LINS1: variants seen among roughly 807,000 people sequenced by gnomAD.
LINS1 encodes the protein protein Lines homolog 1.
LINS1 carries 27 observed loss-of-function variants against 41.6 expected under a neutral mutation model. The ratio of observed to expected loss-of-function variants is 0.65; its 90% CI spans 0.48 to 0.89. The LOEUF (loss-of-function observed/expected upper bound fraction) is 0.89, where lower values mean the gene tolerates loss of function less well. Among genes scored for constraint, LINS1 ranks in the 40% least tolerant of loss-of-function variants. The pLI, the probability that LINS1 is intolerant of heterozygous loss-of-function variation, is 0.00. For missense variants in LINS1, 955 were observed against 884.1 expected (o/e 1.08, Z -1.02); for synonymous variants, 336 against 312.9 (o/e 1.07, Z -0.78).
intron 3 of LINS1, among the ~76,000 whole-genome samples, chr15:100,577,542 G>C (rs1334354739): frequency 1.3e-5 from 2 of 152,156 alleles, no homozygotes; most frequent in East Asian, 1.9e-4. Context: ...ACAAATGGAA[G>C]AACATTCCAT....
chr15:100,600,569 A>AAAAAAAAAAAAAAAG (rs2039443214), intron 1 of LINS1, among the ~76,000 whole-genome samples: 1 of 150,848 alleles, frequency 6.6e-6, no homozygotes, highest in Non-Finnish European at 1.5e-5. Flanking sequence ...AAAAAAAAAA[A>AAAAAAAAAAAAAAAG]AACAGGGAGA....
At chr15:100,587,295 T>C (rs1464321855) in intron 1 of LINS1, among the ~76,000 whole-genome samples, 1 of 151,966 alleles carries the variant, frequency 6.6e-6, no homozygotes, top group Non-Finnish European at 1.5e-5. Context: ...CTGTTTTGCA[T>C]GGATAGTGCC....
At position 100,573,823 on chromosome 15, in the gene LINS1, C is replaced by T; in HGVS notation, c.1050G>A (p.Leu350=). The change falls in exon 5 of 7, where the codon TTG becomes TTA. Residue 350 remains leucine (L), a synonymous_variant. Transcript: ENST00000314742. ...AVLQAVNSGL[L]KTLSVYEKHS... Reference sequence around the variant, plus strand: ...GTTTTTCATAAACAGACAGTGTCTTCAACAACCCCGAATTCACAGCTTGCA... The same window carrying T: ...GTTTTTCATAAACAGACAGTGTCTTTAACAACCCCGAATTCACAGCTTGCA... 6.2e-7 allele frequency: 1 copy of T among 1,614,208 alleles called. No homozygotes were observed. Among genetic ancestry groups the T allele is most frequent in the East Asian group, 2.2e-5 (1 of 44,894 alleles).
In LINS1 at chr15:100,580,446, A is replaced by G. The variant is rs751230546; in HGVS notation, c.397T>C (p.Leu133=). The G allele has an allele frequency of 3.5e-5, 57 of 1,613,534 alleles. No homozygotes were observed. The South Asian group carries it at 5.8e-4, about 16-fold the overall frequency. ...CTTTAGAAAAACAAATGGCTTACTAATTTAGAATCGACTTTGGCTGATTCT... is the reference window on the plus strand; with the variant it reads ...CTTTAGAAAAACAAATGGCTTACTAGTTTAGAATCGACTTTGGCTGATTCT... ...LLESAKVDSK[L]ICMFQNSDKL... Residue 133 remains leucine (L), a splice_region_variant and synonymous_variant, in exon 2 of 7, where the codon TTA becomes CTA. Transcript: ENST00000314742.
Position 100,575,640 on chromosome 15 carries a change from C to G in LINS1, c.490-512G>C, listed in dbSNP as rs201116296. Among the ~76,000 whole-genome samples the G allele has an allele frequency of 1.3e-4, 20 of 152,246 alleles. No homozygotes were observed. The East Asian group carries it at 1.9e-3, about 15-fold the overall frequency. On this transcript the variant is annotated intron_variant, in intron 3 of 6. Coordinates refer to ENST00000314742, the MANE Select transcript of LINS1 (RefSeq NM_001040616.3). The stretch of plus-strand genomic sequence containing the variant: ...CGAGACAGAAAGTTAACAAGGATAT[C>G]CAGGAATTGAATTCAGCTCTGCACC...
At chr15:100,582,884 C>T (rs1161450937) in intron 1 of LINS1, among the ~76,000 whole-genome samples, 153 of 91,814 alleles carry the variant, frequency 1.7e-3, no homozygotes, top group Middle Eastern at 0.012. Flanking sequence ...ATCTACACTA[C>T]GGCCCACTAG....
At chr15:100,583,590 G>A (rs1217710222) in intron 1 of LINS1, among the ~76,000 whole-genome samples, 2 of 152,186 alleles carry the variant, frequency 1.3e-5, no homozygotes, top group African/African-American at 4.8e-5. Context: ...AGGCCAGAAT[G>A]GAAAAGCACC....
intron 1 of LINS1, among the ~76,000 whole-genome samples, chr15:100,599,599 T>C (rs951670921): frequency 6.6e-6 from 1 of 152,234 alleles, no homozygotes; most frequent in African/African-American, 2.4e-5. Context: ...CCATATGAAT[T>C]GCATGGGTGC....
At chr15:100,574,306 C>A in intron 4 of LINS1, 65 bp from the exon 5 acceptor site, 1 of 1,065,134 alleles carries the variant, frequency 9.4e-7, no homozygotes, top group Non-Finnish European at 1.4e-6. Flanking sequence ...TTTTACAATT[C>A]ACTTTTTATA....
intron 1 of LINS1, among the ~76,000 whole-genome samples, chr15:100,584,112 A>G (rs966301986): frequency 2.0e-5 from 3 of 152,082 alleles, no homozygotes; most frequent in Non-Finnish European, 4.4e-5. Flanking sequence ...CTCAAAGTCT[A>G]ATTCCATTGC....
chr15:100,574,892 G>C (rs2038068385), intron 4 of LINS1, 95 bp downstream of exon 4: 1 of 1,255,742 alleles, frequency 8.0e-7, no homozygotes, highest in Admixed American at 1.7e-5. Flanking sequence ...CTTTAAGACA[G>C]ATCAGATGTT....
chr15:100,594,434 A>G (rs11857936), intron 1 of LINS1, among the ~76,000 whole-genome samples: 28,635 of 152,020 alleles, frequency 0.19, 2,795 homozygotes, highest in South Asian at 0.23. Context: ...TGTCAGTGAC[A>G]CGGTTTTCTG....
chr15:100,585,756 A>C (rs1157653401), intron 1 of LINS1, among the ~76,000 whole-genome samples: 1 of 151,578 alleles, frequency 6.6e-6, no homozygotes, highest in Non-Finnish European at 1.5e-5. Context: ...AAGAGTGCTC[A>C]TACATTAACT....
intron 1 of LINS1, among the ~76,000 whole-genome samples, chr15:100,599,781 T>C (rs1403504377): frequency 1.3e-5 from 2 of 152,160 alleles, no homozygotes; most frequent in African/African-American, 4.8e-5. Context: ...AAGCAAAATT[T>C]GAGGCTGGGT....
intron 6 of LINS1, chr15:100,570,348 C>A: frequency 2.3e-6 from 1 of 440,200 alleles, no homozygotes; most frequent in Non-Finnish European, 4.0e-6. Flanking sequence ...TTTGTCTGCC[C>A]AATAAAAGTT....
intron 6 of LINS1, 48 bp downstream of exon 6, chr15:100,571,846 C>T (rs1362866125): frequency 1.2e-6 from 2 of 1,606,878 alleles, no homozygotes; most frequent in East Asian, 2.2e-5. Flanking sequence ...ATGTTTTCTG[C>T]TTTCCTGACT....
rs548717416 is a variant in LINS1 at position 100,595,449 on chromosome 15, T to C, written c.-104+6672A>G. 3.9e-5 allele frequency among the ~76,000 whole-genome samples: 6 copies of C among 152,172 alleles called. No homozygotes were observed. In the South Asian group the frequency reaches 8.3e-4, roughly 21 times the overall value. ...GAAAGATGCTTAACCATATTAGCCA[T>C]TACAGAAATATGAATTAACACTACA... On this transcript the variant is annotated intron_variant, in intron 1 of 6. Transcript: ENST00000314742.
rs2037634785 is a variant in LINS1 at position 100,568,512 on chromosome 15, T to C, written c.*726A>G. The C allele has an allele frequency of 6.6e-6, 1 of 152,356 alleles. No individual in the cohort carries two copies. Among genetic ancestry groups the C allele is most frequent in the South Asian group, 2.1e-4 (1 of 4,830 alleles). The allele number at this position is 152,356 out of a possible 1,614,324, so 9.4% of individuals were successfully genotyped here. A position where few individuals can be genotyped will look rare whatever the true frequency, so the allele number is the denominator to read the frequency against. ...ACTACAAGACAAGGGACACCATGGC[T>C]GGCTGGCTGCCACCAGAAGCCAGAA... On this transcript the variant is annotated 3_prime_UTR_variant, in exon 7 of 7. Transcript: ENST00000314742.
At position 100,574,047 on chromosome 15, in the gene LINS1, A is replaced by G; in HGVS notation, c.826T>C (p.Leu276=). 4 of 1,614,082 alleles carry G rather than the reference A, an allele frequency of 2.5e-6. No homozygotes were observed. Among genetic ancestry groups the G allele is most frequent in the Non-Finnish European group, 3.4e-6 (4 of 1,179,908 alleles). ...AGCATGCAAGATGGTTTCAAAAATA[A>G]AATCCTCTGGCAAGTGAAATGTAAC... ...LKLHFTCQRI[L]FLKPSCMLEV... Residue 276 remains leucine, a synonymous_variant, in exon 5 of 7, where the codon TTA becomes CTA. Coordinates refer to ENST00000314742, the MANE Select transcript of LINS1 (RefSeq NM_001040616.3).
Sources: gnomAD v4.1 joint callset for allele counts (sites outside exome capture counted in the v4.1 genomes callset) on GRCh38, gnomAD v4.1.1 for gene constraint, MANE v1.5 for transcripts, NCBI Gene and HGNC (gene_info 2026-07-23, HGNC 2026-07-21) for gene names.